SRGAP1: variants seen among roughly 807,000 people sequenced by gnomAD.
SRGAP1 encodes the protein SLIT-ROBO Rho GTPase activating protein 1.
SRGAP1 carries 43 observed loss-of-function variants against 121.9 expected under a neutral mutation model. That is an observed-to-expected ratio of 0.35 (90% CI 0.28 to 0.46). The LOEUF (loss-of-function observed/expected upper bound fraction) is 0.46. Among genes scored for constraint, SRGAP1 ranks in the 20% least tolerant of loss-of-function variants. The pLI, the probability that SRGAP1 is intolerant of heterozygous loss-of-function variation, is 1.00. For missense variants in SRGAP1, 1,102 were observed against 1,350.9 expected, an observed-to-expected ratio of 0.82 and a Z score of 2.89; for synonymous variants, 447 against 485.4, an observed-to-expected ratio of 0.92 and a Z score of 1.04.
intron 6 of SRGAP1, among the ~76,000 whole-genome samples, chr12:64,045,532 T>G (rs1476732500): frequency 6.6e-6 from 1 of 151,576 alleles, no homozygotes; most frequent in Non-Finnish European, 1.5e-5. Flanking sequence ...GCCTCCCAGG[T>G]TCAAGCAATT....
At chr12:64,065,591 G>A (rs1234624503) in intron 8 of SRGAP1, among the ~76,000 whole-genome samples, 1 of 152,128 alleles carries the variant, frequency 6.6e-6, no homozygotes, top group African/African-American at 2.4e-5. Flanking sequence ...AAAATATTTT[G>A]TAGAGATGGG....
At chr12:63,974,132 T>C (rs986975842) in intron 1 of SRGAP1, among the ~76,000 whole-genome samples, 2 of 152,186 alleles carry the variant, frequency 1.3e-5, no homozygotes, top group Non-Finnish European at 2.9e-5. Flanking sequence ...TAGTGGATCA[T>C]TCAGATTTGC....
Position 64,104,898 on chromosome 12 carries a change from A to T in SRGAP1, c.1814-4034A>T, listed in dbSNP as rs903959673. 7.5e-5 allele frequency among the ~76,000 whole-genome samples: 11 copies of T among 147,410 alleles called. 1 individual carries two copies. Among genetic ancestry groups the T allele is most frequent in the South Asian group, 4.3e-4 (2 of 4,692 alleles). ...CCCCTCATTCTTTTATTGTGGTAAA[A>T]ATATATATATATATAAAAAATATAA... On this transcript the variant is annotated intron_variant, in intron 15 of 21. Coordinates refer to ENST00000355086, the MANE Select transcript of SRGAP1 (RefSeq NM_020762.4).
chr12:64,125,400 G>A (rs1428250972), intron 18 of SRGAP1, among the ~76,000 whole-genome samples: 2 of 152,092 alleles, frequency 1.3e-5, no homozygotes, highest in South Asian at 2.1e-4. Context: ...CGGGATTACC[G>A]TCAGTGTTAG....
At chr12:64,108,240 T>C (rs2036376813) in intron 15 of SRGAP1, among the ~76,000 whole-genome samples, 2 of 152,204 alleles carry the variant, frequency 1.3e-5, no homozygotes, top group African/African-American at 2.4e-5. Flanking sequence ...TTTGTATTCC[T>C]GGTAAAGAGG....
chr12:63,884,284 C>CA (rs1270509103), intron 1 of SRGAP1, among the ~76,000 whole-genome samples: 5 of 151,600 alleles, frequency 3.3e-5, no homozygotes, highest in African/African-American at 1.2e-4. Context: ...GACTCCGACT[C>CA]AAAAAAAGGA....
At chr12:64,140,835 C>T (rs1214977383) in intron 21 of SRGAP1, among the ~76,000 whole-genome samples, 17 of 131,734 alleles carry the variant, frequency 1.3e-4, no homozygotes, top group African/African-American at 2.4e-4. Flanking sequence ...ATGTTTATTG[C>T]GGCATTATTC....
intron 15 of SRGAP1, among the ~76,000 whole-genome samples, chr12:64,103,467 A>G (rs2036291595): frequency 6.6e-6 from 1 of 152,220 alleles, no homozygotes; most frequent in African/African-American, 2.4e-5. Flanking sequence ...CCAAAATACT[A>G]TGATGAGCTT....
At chr12:64,140,939 G>A (rs1475507935) in intron 21 of SRGAP1, among the ~76,000 whole-genome samples, 1 of 121,510 alleles carries the variant, frequency 8.2e-6, no homozygotes, top group African/African-American at 3.4e-5. Flanking sequence ...ATACTATGCA[G>A]CCATAAAAAA....
At chr12:63,874,925 A>T (rs1056395997) in intron 1 of SRGAP1, among the ~76,000 whole-genome samples, 12 of 151,910 alleles carry the variant, frequency 7.9e-5, no homozygotes, top group Non-Finnish European at 8.8e-5. Flanking sequence ...TTATAAAAAA[A>T]TTTTTTTTGA....
intron 21 of SRGAP1, among the ~76,000 whole-genome samples, chr12:64,129,774 T>C (rs1360563407): frequency 1.3e-5 from 2 of 152,196 alleles, no homozygotes; most frequent in Non-Finnish European, 2.9e-5. Flanking sequence ...TTATGTCACA[T>C]GCTAAAGGAA....
At chr12:63,966,371 A>G (rs2032790717) in intron 1 of SRGAP1, among the ~76,000 whole-genome samples, 1 of 152,210 alleles carries the variant, frequency 6.6e-6, no homozygotes, top group South Asian at 2.1e-4. Flanking sequence ...GTTGAGGCTT[A>G]TGATGATGTA....
chr12:63,859,879 C>T (rs1899388221), intron 1 of SRGAP1, among the ~76,000 whole-genome samples: 1 of 152,116 alleles, frequency 6.6e-6, no homozygotes, highest in African/African-American at 2.4e-5. Context: ...TGATAATTTT[C>T]CTTAAACTAC....
chr12:64,045,236 C>T (rs2035106273), intron 6 of SRGAP1, among the ~76,000 whole-genome samples: 1 of 152,086 alleles, frequency 6.6e-6, no homozygotes, highest in Non-Finnish European at 1.5e-5. Flanking sequence ...TTCTGTTACA[C>T]TGCCCCTAGA....
rs184980131 is a variant in SRGAP1 at position 63,984,823 on chromosome 12, C to T, written c.263+681C>T. On this transcript the variant is annotated intron_variant, in intron 2 of 21. Coordinates refer to ENST00000355086, the MANE Select transcript of SRGAP1 (RefSeq NM_020762.4). The stretch of plus-strand genomic sequence containing the variant: ...CTGAGGTCAGGAGTTCAAGACCAGC[C>T]TGACCAATATGGTGAAACCCCGTCT... Among the ~76,000 whole-genome samples the T allele has an allele frequency of 5.2e-3, 798 of 152,070 alleles. 5 individuals carry two copies. The highest frequency in any genetic ancestry group is 0.018 in the African/African-American group (733 of 41,444).
At chr12:63,903,885 G>T (rs772271174) in intron 1 of SRGAP1, among the ~76,000 whole-genome samples, 24 of 150,198 alleles carry the variant, frequency 1.6e-4, no homozygotes, top group Admixed American at 1.2e-3. Context: ...TGCCCGCCTC[G>T]GCCTCCCAAA....
chr12:64,063,153 A>T lies in SRGAP1; in HGVS notation c.1023+15A>T, dbSNP rs1328375802. The T allele has an allele frequency of 1.3e-6, 2 of 1,584,876 alleles. No homozygotes were observed. Among genetic ancestry groups the T allele is most frequent in the Non-Finnish European group, 1.7e-6 (2 of 1,155,646 alleles). On this transcript the variant is annotated intron_variant, in intron 7 of 21. Transcript: ENST00000355086. Reference sequence around the variant, plus strand: ...TGGGTGATGAGGTCAGTAATTGATCATTTTTAAAATAATGAATTGTCTCTT... The same window carrying T: ...TGGGTGATGAGGTCAGTAATTGATCTTTTTTAAAATAATGAATTGTCTCTT...
In SRGAP1 at chr12:64,136,033, A is replaced by G. The variant is rs184933889; in HGVS notation, c.2881-6262A>G. 3.9e-5 allele frequency among the ~76,000 whole-genome samples: 6 copies of G among 152,260 alleles called. No individual in the cohort carries two copies. In the East Asian group the frequency reaches 7.7e-4, roughly 20 times the overall value. ...GAGGCTAGGCCAGTCTAACCTTTTC[A>G]CGTTCTTCTGTTTGCTTTATATTCG... On this transcript the variant is annotated intron_variant, in intron 21 of 21. Transcript: ENST00000355086.
chr12:63,962,975 A>T (rs1211795028), intron 1 of SRGAP1, among the ~76,000 whole-genome samples: 1 of 152,220 alleles, frequency 6.6e-6, no homozygotes, highest in Non-Finnish European at 1.5e-5. Flanking sequence ...ATATATTTTT[A>T]AAATAAATGT....
Sources: allele counts gnomAD v4.1 joint callset (sites outside exome capture counted in the v4.1 genomes callset), GRCh38; gene constraint gnomAD v4.1.1; transcripts MANE v1.5; gene names NCBI Gene and HGNC (gene_info 2026-07-23, HGNC 2026-07-21).